The following AKIRIN2 variants were observed in gnomAD, a reference collection of about 807,000 sequenced individuals.
AKIRIN2 encodes akirin 2, also known as akirin-2.
Under a neutral mutation model 29.3 loss-of-function variants are expected in AKIRIN2, and 6 were observed. That is an observed-to-expected ratio of 0.20 (90% confidence interval 0.11 to 0.40). The LOEUF is 0.40. AKIRIN2 is among the 10% of genes least tolerant of loss of function. The pLI is 1.00. For missense variants in AKIRIN2, 210 were observed against 276.1 expected (o/e 0.76, Z 1.70); for synonymous variants, 128 against 117.5 (o/e 1.09, Z -0.58).
intron 1 of AKIRIN2, among the ~76,000 whole-genome samples, chr6:87,693,264 A>T (rs1562400313): frequency 6.6e-6 from 1 of 151,954 alleles, no homozygotes. Context: ...AATGAAGCAT[A>T]ACTCTCATCT....
At chr6:87,686,490 T>G (rs191430148) in intron 1 of AKIRIN2, among the ~76,000 whole-genome samples, 1 of 152,206 alleles carries the variant, frequency 6.6e-6, no homozygotes, top group East Asian at 1.9e-4. Context: ...AATATCTTTC[T>G]AGGGTCCATA....
chr6:87,679,608 A>C (rs77147595), intron 2 of AKIRIN2, among the ~76,000 whole-genome samples: 8 of 152,208 alleles, frequency 5.3e-5, no homozygotes, highest in Non-Finnish European at 4.4e-5. Context: ...TTAAGTTAAC[A>C]ACAATTCGCA....
intron 1 of AKIRIN2, among the ~76,000 whole-genome samples, chr6:87,686,353 T>A (rs1333791480): frequency 1.3e-5 from 2 of 151,998 alleles, no homozygotes; most frequent in Non-Finnish European, 2.9e-5. Context: ...ATAAAAAGCA[T>A]AATGGAATTG....
chr6:87,680,769 C>A (rs1186124355), intron 2 of AKIRIN2, among the ~76,000 whole-genome samples: 5 of 23,798 alleles, frequency 2.1e-4, no homozygotes, highest in African/African-American at 6.5e-4. Context: ...CCCCGCCCCC[C>A]CCCTTTTTTT....
chr6:87,679,796 A>AT (rs1771089100), intron 2 of AKIRIN2, among the ~76,000 whole-genome samples: 1 of 152,324 alleles, frequency 6.6e-6, no homozygotes, highest in African/African-American at 2.4e-5. Flanking sequence ...AAGAGAAAAT[A>AT]TTTTGTAGTA....
intron 1 of AKIRIN2, among the ~76,000 whole-genome samples, chr6:87,681,971 A>T (rs1771128853): frequency 6.6e-6 from 1 of 152,228 alleles, no homozygotes; most frequent in African/African-American, 2.4e-5. Context: ...CAGCTGTTCA[A>T]CAATATTCTT....
chr6:87,681,162 C>T (rs529336913), intron 2 of AKIRIN2, among the ~76,000 whole-genome samples: 27 of 152,034 alleles, frequency 1.8e-4, no homozygotes, highest in Admixed American at 2.6e-4. Flanking sequence ...CTCAGGCTCC[C>T]GAGGGGCTGG....
At chr6:87,678,779 A>G (rs756910647) in intron 2 of AKIRIN2, among the ~76,000 whole-genome samples, 2 of 152,160 alleles carry the variant, frequency 1.3e-5, no homozygotes, top group East Asian at 3.9e-4. Context: ...GAGCCTACAC[A>G]CAATGAACTG....
intron 1 of AKIRIN2, 51 bp from the exon 2 acceptor site, chr6:87,681,814 A>T (rs1328308676): frequency 1.4e-6 from 2 of 1,442,646 alleles, no homozygotes; most frequent in Admixed American, 5.0e-5. Context: ...CACATTAAAA[A>T]AGAGGTTGGC....
intron 1 of AKIRIN2, among the ~76,000 whole-genome samples, chr6:87,692,371 C>T (rs1270895144): frequency 6.6e-6 from 1 of 152,228 alleles, no homozygotes; most frequent in African/African-American, 2.4e-5. Flanking sequence ...AAATGAGGCT[C>T]TGCTTCAGTG....
At chr6:87,695,643 T>A (rs535952338) in intron 1 of AKIRIN2, among the ~76,000 whole-genome samples, 5 of 152,230 alleles carry the variant, frequency 3.3e-5, no homozygotes, top group African/African-American at 1.2e-4. Flanking sequence ...AATTCAGTGA[T>A]AGGTACTTGA....
chr6:87,680,912 A>G (rs775372476), intron 2 of AKIRIN2, among the ~76,000 whole-genome samples: 2 of 152,146 alleles, frequency 1.3e-5, no homozygotes, highest in Non-Finnish European at 2.9e-5. Context: ...TGTGTGAGGC[A>G]GGGTATGTAT....
chr6:87,680,343 G>A (rs919508878), intron 2 of AKIRIN2, among the ~76,000 whole-genome samples: 20 of 139,942 alleles, frequency 1.4e-4, no homozygotes, highest in Non-Finnish European at 2.3e-4. Context: ...GTGCAATGGC[G>A]CGATCTCTGC....
At chr6:87,676,447 CAAA>C (rs71021319) in intron 3 of AKIRIN2, among the ~76,000 whole-genome samples, 3 of 41,908 alleles carry the variant, frequency 7.2e-5, no homozygotes, top group East Asian at 1.6e-3. Context: ...GCCTGGGCAA[CAAA>C]AAAAAAAAAA....
rs1412718074 is a variant in AKIRIN2 at position 87,701,979 on chromosome 6, CGA to C, written c.-297_-296del. On this transcript the variant is annotated 5_prime_UTR_variant, in exon 1 of 5. Coordinates refer to ENST00000257787, the MANE Select transcript of AKIRIN2 (RefSeq NM_018064.4). Reference sequence around the variant, plus strand: ...TCCGCCTCCTCAGGCGCGGCTCCCCCGAGAGAGGCTCCGGCCGCCCCCGCCGT... The same window carrying C: ...TCCGCCTCCTCAGGCGCGGCTCCCCCGAGAGGCTCCGGCCGCCCCCGCCGT... The C allele has an allele frequency of 5.0e-6, 2 of 402,242 alleles. No homozygotes were observed. The highest frequency in any genetic ancestry group is 8.8e-6 in the Non-Finnish European group (2 of 228,004). The allele number at this position is 402,242 out of a possible 1,614,324, so 24.9% of individuals were successfully genotyped here.
At chr6:87,675,773 CTTTT>C (rs1362001360) in intron 4 of AKIRIN2, 83 bp downstream of exon 4, 49 of 1,487,744 alleles carry the variant, frequency 3.3e-5, no homozygotes, top group Non-Finnish European at 4.4e-5. Context: ...GTTGAATTCT[CTTTT>C]TGAGTATGAA....
At position 87,675,538 on chromosome 6, in the gene AKIRIN2, G is replaced by A. The variant is rs1044691481; in HGVS notation, c.*59C>T. 3.1e-6 allele frequency: 5 copies of A among 1,599,650 alleles called. No individual in the cohort carries two copies. The African/African-American group carries it at 6.7e-5, about 21-fold the overall frequency. Reference sequence around the variant, plus strand: ...TTGGCATTGCTGCATGTCATAATTGGGACCTCTTGCAACAACTCAACAAGG... The same window carrying A: ...TTGGCATTGCTGCATGTCATAATTGAGACCTCTTGCAACAACTCAACAAGG... On this transcript the variant is annotated 3_prime_UTR_variant, in exon 5 of 5. Transcript: ENST00000257787.
chr6:87,675,664 A>T, intron 4 of AKIRIN2, 57 bp from the exon 5 acceptor site: 1 of 1,601,066 alleles, frequency 6.2e-7, no homozygotes, highest in East Asian at 2.3e-5. Context: ...CCAAACGAAT[A>T]CTAGATCTTG....
intron 2 of AKIRIN2, 27 bp downstream of exon 2, chr6:87,681,592 CT>C: frequency 6.3e-7 from 1 of 1,587,930 alleles, no homozygotes; most frequent in Non-Finnish European, 8.5e-7. Context: ...AAATAATAAA[CT>C]TTGTAAATGA....
Sources: allele counts gnomAD v4.1 joint callset (sites outside exome capture counted in the v4.1 genomes callset), GRCh38; gene constraint gnomAD v4.1.1; transcripts MANE v1.5; gene names NCBI Gene and HGNC (gene_info 2026-07-23, HGNC 2026-07-21).